Variants in TSC1 observed in about 807,000 individuals in gnomAD.
TSC1 encodes hamartin.
Under a neutral mutation model 124.3 loss-of-function variants are expected in TSC1, and 20 were observed. The observed-to-expected ratio is 0.16, with a 90% confidence interval of 0.11 to 0.23. The LOEUF (loss-of-function observed/expected upper bound fraction) is 0.23, where lower values mean the gene tolerates loss of function less well. Among genes scored for constraint, TSC1 ranks in the 10% least tolerant of loss-of-function variants. TSC1 has a pLI of 1.00. For missense variants in TSC1, 1,124 were observed against 1,448.5 expected (o/e 0.78, Z 3.64); for synonymous variants, 493 against 539.1 (o/e 0.91, Z 1.19).
chr9:132,945,292 C>A (rs567439004), upstream of TSC1: 6 of 152,412 alleles, frequency 3.9e-5, no homozygotes, highest in East Asian at 1.2e-3. Flanking sequence ...CTTCTGCCTT[C>A]AAGTAGCTCA....
At chr9:132,901,392 C>T (rs903916907) in intron 19 of TSC1, among the ~76,000 whole-genome samples, 197 bp downstream of exon 19, 1 of 152,206 alleles carries the variant, frequency 6.6e-6, no homozygotes, top group East Asian at 1.9e-4. Flanking sequence ...CCACTGGATA[C>T]CAGCAGCACC....
rs118203349 is a variant in TSC1 at position 132,927,183 on chromosome 9, T to C, written c.210+18A>G. 2.4e-4 allele frequency: 388 copies of C among 1,610,334 alleles called. No homozygotes were observed. The highest frequency in any genetic ancestry group is 3.2e-4 in the Non-Finnish European group (374 of 1,177,092). On this transcript the variant is annotated intron_variant, in intron 4 of 22. Transcript: ENST00000298552. ...TCATGAAGAACATATGAAATGCCTA[T>C]GATATTTCAGCCATTACCTTGTCAT...
rs371555137 is a variant in TSC1, at chr9:132,927,210, T to C, written c.201A>G (p.Pro67=). ...ATATTTCAGCCATTACCTTGTCATGTGGCTCTTGCAAGGTGGTCAGGATGT... is the reference window on the plus strand; with the variant it reads ...ATATTTCAGCCATTACCTTGTCATGCGGCTCTTGCAAGGTGGTCAGGATGT... The part of the protein sequence containing the change: ...ALHILTTLQE[P]HDKHLLDRIN... Residue 67 remains proline, a synonymous_variant, in exon 4 of 23, where the codon CCA becomes CCG. Transcript: ENST00000298552. The C allele has an allele frequency of 2.8e-4, 450 of 1,613,842 alleles. No homozygotes were observed. The highest frequency in any genetic ancestry group is 3.7e-4 in the Non-Finnish European group (435 of 1,179,916).
chr9:132,911,658 A>ATT, intron 9 of TSC1, 90 bp from the exon 10 acceptor site: 1 of 685,386 alleles, frequency 1.5e-6, no homozygotes, highest in Non-Finnish European at 2.4e-6. Flanking sequence ...AAAAAAAAAG[A>ATT]TGGTCCTCTA....
At chr9:132,927,362 C>G (rs879249209) in intron 3 of TSC1, 58 bp from the exon 4 acceptor site, 1 of 1,501,270 alleles carries the variant, frequency 6.7e-7, no homozygotes, top group South Asian at 1.2e-5. Flanking sequence ...CTAAATTTAC[C>G]TTACACAGCT....
chr9:132,910,375 CAG>C (rs1045900370), intron 12 of TSC1, 194 bp downstream of exon 12: 3 of 941,266 alleles, frequency 3.2e-6, no homozygotes, highest in Non-Finnish European at 4.8e-6. Flanking sequence ...TCTGCCAAAG[CAG>C]AGTTTTGGAA....
chr9:132,928,631 A>G, intron 3 of TSC1, 136 bp downstream of exon 3: 1 of 1,079,848 alleles, frequency 9.3e-7, no homozygotes, highest in Non-Finnish European at 1.3e-6. Context: ...TTTAAAACAC[A>G]TATAGATACT....
intron 8 of TSC1, among the ~76,000 whole-genome samples, chr9:132,920,383 G>T (rs1846483620): frequency 6.6e-6 from 1 of 152,204 alleles, no homozygotes; most frequent in Non-Finnish European, 1.5e-5. Context: ...CTCTGAGGTA[G>T]TAGGGAGAAA....
chr9:132,915,421 C>T (rs532981449), intron 8 of TSC1, among the ~76,000 whole-genome samples: 2 of 152,312 alleles, frequency 1.3e-5, no homozygotes, highest in African/African-American at 4.8e-5. Context: ...GCAAATATAT[C>T]TGACTGTAGT....
At position 132,896,626 on chromosome 9, in the gene TSC1, C is replaced by T. The variant is rs1176815392; in HGVS notation, c.3104G>A (p.Gly1035Asp). ...SARGSSGSRG[G>D]GGSSSSSSEL... ...GCTGCTGCTGCTGCTGCTGCCTCCA[C>T]CACCTCTGCTTCCACTACTGCCCCG... is the stretch of plus-strand genomic sequence containing the variant. The change falls in exon 23 of 23, where the codon GGT becomes GAT. Residue 1035 changes from glycine to aspartate, a missense_variant. This residue lies in a region of TSC1 where 325 missense variants were observed against 383.4 expected (regional missense o/e 0.85). Coordinates refer to ENST00000298552, the MANE Select transcript of TSC1 (RefSeq NM_000368.5). The surrounding 1 kb of genome is among the most constrained non-coding windows in gnomAD (Gnocchi z 4.5). 6.2e-7 allele frequency: 1 copy of T among 1,613,822 alleles called. No homozygotes were observed. The highest frequency in any genetic ancestry group is 1.3e-5 in the African/African-American group (1 of 75,038).
Position 132,921,798 on chromosome 9 carries a change from A to C in TSC1, c.663+21T>G, listed in dbSNP as rs764325206. On this transcript the variant is annotated intron_variant, in intron 7 of 22. Coordinates refer to ENST00000298552, the MANE Select transcript of TSC1 (RefSeq NM_000368.5). This position sits in a 1 kb window ranked among gnomAD's most constrained non-coding sequence, Gnocchi z 4.3. ...CTAAACAGTATACTAAGTAGCAAAC[A>C]AACAAGCAGTTTCAATTTACCTTGA... 1.2e-6 allele frequency: 2 copies of C among 1,614,052 alleles called. No homozygotes were observed. Among genetic ancestry groups the C allele is most frequent in the Non-Finnish European group, 8.5e-7 (1 of 1,179,960 alleles).
intron 11 of TSC1, 119 bp downstream of exon 11, chr9:132,910,883 A>G (rs147994424): frequency 1.3e-5 from 17 of 1,296,438 alleles, no homozygotes; most frequent in African/African-American, 1.0e-4. Context: ...GGGATTTGCA[A>G]TAAGTGTCAA....
intron 20 of TSC1, 105 bp from the exon 21 acceptor site, chr9:132,897,715 G>A: frequency 6.9e-7 from 1 of 1,442,732 alleles, no homozygotes; most frequent in Non-Finnish European, 9.3e-7. Flanking sequence ...AGGCATTTTA[G>A]TATACTGATA....
chr9:132,936,354 C>T (rs1847458457), intron 1 of TSC1, among the ~76,000 whole-genome samples: 2 of 152,126 alleles, frequency 1.3e-5, no homozygotes, highest in African/African-American at 4.8e-5. Flanking sequence ...TAGCCTCACG[C>T]AATCCTCCCA....
At chr9:132,942,445 G>C (rs1355277975) in intron 1 of TSC1, 7 of 152,164 alleles carry the variant, frequency 4.6e-5, no homozygotes, top group Non-Finnish European at 1.0e-4. Flanking sequence ...ATTACATATA[G>C]AGGTATATAT....
Position 132,891,601 on chromosome 9 carries a change from G to A in TSC1, c.*4634C>T, listed in dbSNP as rs981864592. On this transcript the variant is annotated 3_prime_UTR_variant, in exon 23 of 23. Transcript: ENST00000298552. ...TCTTCAATTTAACTAAAAGCAGTCCGTTAAAAAAAATCAGTTTCTTTCACT... is the reference window on the plus strand; with the variant it reads ...TCTTCAATTTAACTAAAAGCAGTCCATTAAAAAAAATCAGTTTCTTTCACT... The A allele has an allele frequency of 4.3e-4, 100 of 233,360 alleles. No individual in the cohort carries two copies. The highest frequency in any genetic ancestry group is 1.9e-3 in the African/African-American group (88 of 45,348). The allele number at this position is 233,360 out of a possible 1,614,324, so 14.5% of individuals were successfully genotyped here. A position where few individuals can be genotyped will look rare whatever the true frequency, so the allele number is the denominator to read the frequency against.
In TSC1 at chr9:132,905,860, T is replaced by C. The variant is rs2131829461; in HGVS notation, c.1718A>G (p.Gln573Arg). 1 of 1,612,814 alleles carries C rather than the reference T, an allele frequency of 6.2e-7. No homozygotes were observed. The highest frequency in any genetic ancestry group is 2.2e-5 in the East Asian group (1 of 44,860). Residue 573 changes from glutamine (Q) to arginine (R), a missense_variant, in exon 15 of 23, where the codon CAG becomes CGG. By Grantham distance (43) the Gln-to-Arg change is conservative. Around this residue, in one of 5 missense-constraint regions of TSC1, gnomAD observed 321 missense variants for 397.4 expected, o/e 0.81. Transcript: ENST00000298552. The part of the protein sequence containing the change: ...DESPAGDREC[Q>R]TSLETSIFTP... The stretch of plus-strand genomic sequence containing the variant: ...GAAGATACTGGTCTCCAAAGAAGTC[T>C]GGCATTCCCTGTCTCCCGCAGGGCT...
At position 132,896,772 on chromosome 9, in the gene TSC1, A is replaced by G. The variant is rs397514866; in HGVS notation, c.2976-18T>C. 2.5e-6 allele frequency: 4 copies of G among 1,613,480 alleles called. No homozygotes were observed. Among genetic ancestry groups the G allele is most frequent in the Non-Finnish European group, 3.4e-6 (4 of 1,180,024 alleles). On this transcript the variant is annotated intron_variant, in intron 22 of 22. Coordinates refer to ENST00000298552, the MANE Select transcript of TSC1 (RefSeq NM_000368.5). The surrounding 1 kb of genome is among the most constrained non-coding windows in gnomAD (Gnocchi z 4.5). Reference sequence around the variant, plus strand: ...AGTCAAGCCTGTAAGAAAGCCGGGGAGGAAAAAAGGAGCTGGTGATTGGAC... The same window carrying G: ...AGTCAAGCCTGTAAGAAAGCCGGGGGGGAAAAAAGGAGCTGGTGATTGGAC...
At chr9:132,904,543 C>A in intron 15 of TSC1, 89 bp from the exon 16 acceptor site, 2 of 1,327,746 alleles carry the variant, frequency 1.5e-6, no homozygotes, top group South Asian at 1.2e-5. Context: ...AGTTAGATCA[C>A]TTCCTTGTGG....
Sources: allele counts gnomAD v4.1 joint callset (sites outside exome capture counted in the v4.1 genomes callset), GRCh38; gene constraint gnomAD v4.1.1; regional missense constraint gnomAD v4.1.1; non-coding constraint Gnocchi (gnomAD v3.1); transcripts MANE v1.5; gene names NCBI Gene and HGNC (gene_info 2026-07-23, HGNC 2026-07-21).